Variants in GCH1 observed in about 807,000 individuals in gnomAD.
GCH1 encodes the protein GTP cyclohydrolase 1.
A neutral mutation model predicts 25.9 loss-of-function variants in GCH1; 5 were observed. The ratio of observed to expected loss-of-function variants is 0.19; its 90% confidence interval spans 0.10 to 0.41. The LOEUF is 0.41. Ranked by LOEUF, GCH1 falls within the 10% of genes least tolerant of loss-of-function variation. The pLI is 1.00. For synonymous variants in GCH1, 159 were observed against 129.6 expected, an observed-to-expected ratio of 1.23 and a Z score of -1.54; for missense variants, 261 against 336.5, an observed-to-expected ratio of 0.78 and a Z score of 1.75.
intron 1 of GCH1, among the ~76,000 whole-genome samples, chr14:54,882,497 G>A (rs984575273): frequency 6.6e-6 from 1 of 152,114 alleles, no homozygotes; most frequent in Non-Finnish European, 1.5e-5. Context: ...AACTGTCTAA[G>A]GAATCAAAAC....
At chr14:54,860,155 G>A (rs569240330) in intron 2 of GCH1, among the ~76,000 whole-genome samples, 21 of 152,238 alleles carry the variant, frequency 1.4e-4, no homozygotes, top group Non-Finnish European at 2.9e-4. Flanking sequence ...TTTTTGATCA[G>A]TGTTTGCTTG....
chr14:54,846,952 C>T (rs1447541297), intron 4 of GCH1, 147 bp downstream of exon 4: 1 of 435,830 alleles, frequency 2.3e-6, no homozygotes, highest in East Asian at 5.0e-5. Context: ...ATCTCAGCTA[C>T]TTGGAAGGCT....
chr14:54,866,723 G>T (rs539765597), intron 1 of GCH1, among the ~76,000 whole-genome samples: 1 of 152,218 alleles, frequency 6.6e-6, no homozygotes, highest in South Asian at 2.1e-4. Context: ...AGAATAGGGG[G>T]CTCACAGAGA....
chr14:54,846,889 C>T (rs2039650503), intron 4 of GCH1, among the ~76,000 whole-genome samples: 2 of 152,048 alleles, frequency 1.3e-5, no homozygotes, highest in Admixed American at 1.3e-4. Context: ...GGTGAAACCC[C>T]GTCTCTACTA....
intron 3 of GCH1, among the ~76,000 whole-genome samples, chr14:54,849,097 G>A (rs761807390): frequency 3.3e-5 from 5 of 152,186 alleles, no homozygotes; most frequent in Non-Finnish European, 7.4e-5. Flanking sequence ...ATGCCTCTAG[G>A]ATTTCACTAC....
chr14:54,898,269 G>A (rs1193961084), intron 1 of GCH1, among the ~76,000 whole-genome samples: 1 of 152,056 alleles, frequency 6.6e-6, no homozygotes, highest in Non-Finnish European at 1.5e-5. Context: ...CATAGAAAAG[G>A]TACAGTAAAA....
intron 1 of GCH1, among the ~76,000 whole-genome samples, chr14:54,870,408 C>CAGCT (rs1466999038): frequency 6.7e-6 from 1 of 149,218 alleles, no homozygotes; most frequent in Admixed American, 6.7e-5. Context: ...CTCCAGTCTA[C>CAGCT]AGCTCCCAGT....
intron 1 of GCH1, among the ~76,000 whole-genome samples, chr14:54,896,042 A>G (rs2140118687): frequency 6.6e-6 from 1 of 152,346 alleles, no homozygotes; most frequent in South Asian, 2.1e-4. Flanking sequence ...GGATCAATCC[A>G]CACAAGAGGC....
At chr14:54,868,496 T>C (rs1437490165) in intron 1 of GCH1, among the ~76,000 whole-genome samples, 1 of 152,156 alleles carries the variant, frequency 6.6e-6, no homozygotes, top group Non-Finnish European at 1.5e-5. Flanking sequence ...TAAGGAATTG[T>C]CAGATTGTAG....
intron 1 of GCH1, among the ~76,000 whole-genome samples, chr14:54,879,862 G>A (rs921159735): frequency 1.3e-5 from 2 of 151,786 alleles, no homozygotes; most frequent in Non-Finnish European, 2.9e-5. Context: ...GCACATGCCT[G>A]TAATCCCAGG....
intron 3 of GCH1, among the ~76,000 whole-genome samples, chr14:54,858,355 G>A (rs922579271): frequency 3.3e-5 from 5 of 151,902 alleles, no homozygotes; most frequent in African/African-American, 9.7e-5. Context: ...GCACAATCTC[G>A]GCTCACTGCA....
intron 1 of GCH1, among the ~76,000 whole-genome samples, chr14:54,868,281 G>A (rs556296542): frequency 2.0e-5 from 3 of 152,132 alleles, no homozygotes; most frequent in Admixed American, 2.0e-4. Flanking sequence ...GCCAGGCACG[G>A]CAGCACACTC....
At chr14:54,864,715 G>C (rs939035043) in intron 2 of GCH1, among the ~76,000 whole-genome samples, 1 of 152,110 alleles carries the variant, frequency 6.6e-6, no homozygotes. Context: ...GTTCCATTCA[G>C]CCTCTGGATT....
intron 1 of GCH1, chr14:54,885,275 A>T (rs72713476): frequency 0.05 from 10,705 of 215,986 alleles, 407 homozygotes; most frequent in Non-Finnish European, 0.073. Context: ...ATGGTAGAAG[A>T]AGTAGAAAGC....
chr14:54,901,672 C>T (rs926592291), intron 1 of GCH1, among the ~76,000 whole-genome samples: 3 of 152,132 alleles, frequency 2.0e-5, no homozygotes, highest in Non-Finnish European at 4.4e-5. Context: ...GCAAACTCAC[C>T]CAATCAACCT....
Position 54,874,047 on chromosome 14 carries a change from A to G in GCH1, c.344-8611T>C, listed in dbSNP as rs1317826728. ...TCTGGCAGAGACACAACAAAAAAAG[A>G]GAATTTTAGACCAATATCCCTGATG... On this transcript the variant is annotated intron_variant, in intron 1 of 5. Transcript: ENST00000491895. Among the ~76,000 whole-genome samples, 5 of 152,230 alleles carry G rather than the reference A, an allele frequency of 3.3e-5. No homozygotes were observed. In the East Asian group the frequency reaches 7.7e-4, roughly 23 times the overall value.
intron 1 of GCH1, among the ~76,000 whole-genome samples, chr14:54,895,565 A>C (rs983806292): frequency 4.6e-5 from 7 of 152,332 alleles, no homozygotes; most frequent in African/African-American, 1.7e-4. Flanking sequence ...GCCCTCAGAG[A>C]ATAGCAGACT....
chr14:54,884,507 C>T (rs925414598), intron 1 of GCH1, among the ~76,000 whole-genome samples: 1 of 152,006 alleles, frequency 6.6e-6, no homozygotes, highest in African/African-American at 2.4e-5. Context: ...CAGTGGCTCA[C>T]GCCTATAATC....
chr14:54,855,505 CAAAAAAAAAA>C (rs764999718), intron 3 of GCH1, among the ~76,000 whole-genome samples: 5 of 36,418 alleles, frequency 1.4e-4, no homozygotes, highest in East Asian at 2.4e-3. Context: ...GACCCTGTCT[CAAAAAAAAAA>C]AAAAAAAAAA....
Sources: gnomAD v4.1 joint callset for allele counts (sites outside exome capture counted in the v4.1 genomes callset) on GRCh38, gnomAD v4.1.1 for gene constraint, MANE v1.5 for transcripts, NCBI Gene and HGNC (gene_info 2026-07-23, HGNC 2026-07-21) for gene names.